Variants in PPIL2 observed in about 807,000 individuals in gnomAD.
PPIL2 encodes the protein peptidylprolyl isomerase like 2.
PPIL2 carries 50 observed loss-of-function variants against 75.2 expected under a neutral mutation model. That is an observed-to-expected ratio of 0.66 (90% CI 0.53 to 0.84). The LOEUF (loss-of-function observed/expected upper bound fraction) is 0.84, where lower values mean the gene tolerates loss of function less well. PPIL2 is among the 40% of genes least tolerant of loss of function. The probability of loss-of-function intolerance (pLI) is 0.00; values close to 1 mark genes in which losing one functional copy is unlikely to be tolerated. For synonymous variants in PPIL2, 245 were observed against 258.8 expected (o/e 0.95, Z 0.51); for missense variants, 590 against 685.0 (o/e 0.86, Z 1.55).
At chr22:21,687,550 CAA>C (rs36108489) in intron 12 of PPIL2, 91 bp from the exon 13 acceptor site, 13,841 of 299,000 alleles carry the variant, frequency 0.046, no homozygotes, top group South Asian at 0.072. Flanking sequence ...GACTCCACCT[CAA>C]AAAAAAAAAA....
At chr22:21,672,849 A>T (rs1235284087) in intron 5 of PPIL2, among the ~76,000 whole-genome samples, 1 of 152,038 alleles carries the variant, frequency 6.6e-6, no homozygotes, top group Non-Finnish European at 1.5e-5. Context: ...ACTGTGCGAG[A>T]CGGAGGGTCG....
intron 6 of PPIL2, among the ~76,000 whole-genome samples, chr22:21,675,609 C>G (rs1029052685): frequency 6.6e-6 from 1 of 152,150 alleles, no homozygotes; most frequent in African/African-American, 2.4e-5. Context: ...GGGGGCAGAA[C>G]CTGTGGTGTT....
At position 21,695,643 on chromosome 22, in the gene PPIL2, C is replaced by T; in HGVS notation, c.*153C>T. The T allele has an allele frequency of 1.4e-6, 2 of 1,458,040 alleles. No homozygotes were observed. The highest frequency in any genetic ancestry group is 2.6e-5 in the East Asian group (1 of 38,878). 90.3% of individuals were successfully genotyped at this position (1,458,040 alleles called of 1,614,324 possible). A position where few individuals can be genotyped will look rare whatever the true frequency, so the allele number is the denominator to read the frequency against. On this transcript the variant is annotated 3_prime_UTR_variant, in exon 20 of 20. Transcript: ENST00000398831. ...TCCCCTTTCCTGGCCCCTGGGAGCCCACAGCCTTCCCATCCCTTAACCTGT... is the reference window on the plus strand; with the variant it reads ...TCCCCTTTCCTGGCCCCTGGGAGCCTACAGCCTTCCCATCCCTTAACCTGT...
intron 6 of PPIL2, among the ~76,000 whole-genome samples, chr22:21,679,651 G>A (rs1167968800): frequency 1.3e-5 from 2 of 151,042 alleles, no homozygotes; most frequent in Non-Finnish European, 2.9e-5. Context: ...CGCCTAGGCT[G>A]GTCTCAAACT....
intron 7 of PPIL2, among the ~76,000 whole-genome samples, chr22:21,682,166 G>A (rs549845386): frequency 3.9e-5 from 6 of 152,344 alleles, no homozygotes; most frequent in Admixed American, 2.6e-4. Flanking sequence ...TGGGTGACTC[G>A]CTGAGTCTTT....
intron 6 of PPIL2, among the ~76,000 whole-genome samples, chr22:21,677,516 G>A (rs150891647): frequency 0.028 from 4,308 of 152,204 alleles, 88 homozygotes; most frequent in Admixed American, 0.044. Context: ...CCAACACAGC[G>A]AAACCCCGTC....
intron 6 of PPIL2, among the ~76,000 whole-genome samples, chr22:21,676,137 G>A (rs749155748): frequency 1.3e-5 from 2 of 152,124 alleles, no homozygotes; most frequent in East Asian, 1.9e-4. Flanking sequence ...TGCAGCATTC[G>A]CAGGTGAATG....
rs1405470166 is a variant in PPIL2, at chr22:21,697,822, A to T, written c.*2332A>T. On this transcript the variant is annotated 3_prime_UTR_variant, in exon 20 of 20. Transcript: ENST00000398831. Reference sequence around the variant, plus strand: ...CTGTAGTTTGTTTGTTTTAGAGCTTAATTTGTAGTTTTTTAGCTATTAAAA... The same window carrying T: ...CTGTAGTTTGTTTGTTTTAGAGCTTTATTTGTAGTTTTTTAGCTATTAAAA... 1.3e-5 allele frequency: 2 copies of T among 152,360 alleles called. No individual in the cohort carries two copies. The highest frequency in any genetic ancestry group is 2.9e-5 in the Non-Finnish European group (2 of 68,044). The allele number at this position is 152,360 out of a possible 1,614,324, so 9.4% of individuals were successfully genotyped here.
In PPIL2 at chr22:21,677,567, C is replaced by T. The variant is rs1222955038; in HGVS notation, c.295+2452C>T. Among the ~76,000 whole-genome samples, 13 of 152,322 alleles carry T rather than the reference C, an allele frequency of 8.5e-5. No homozygotes were observed. The East Asian group carries it at 1.7e-3, about 20-fold the overall frequency. ...CGAAAACCAGTCAGGCGTGGCGGCG[C>T]GCGCCTGCAATCCCAGGCACTCGGC... On this transcript the variant is annotated intron_variant, in intron 6 of 19. Coordinates refer to ENST00000398831, the MANE Select transcript of PPIL2 (RefSeq NM_014337.4).
At chr22:21,700,000 G>C (rs756656498), downstream of PPIL2, 2 of 152,312 alleles carry the variant, frequency 1.3e-5, no homozygotes, top group Non-Finnish European at 2.9e-5. Context: ...AAATAAACAT[G>C]TTCCACTAGA....
intron 6 of PPIL2, among the ~76,000 whole-genome samples, chr22:21,680,259 G>A (rs1433435633): frequency 6.6e-6 from 1 of 152,214 alleles, no homozygotes; most frequent in African/African-American, 2.4e-5. Flanking sequence ...AGGTGCAGTG[G>A]CTCATGCCTG....
chr22:21,668,175 C>CA (rs1334663897), intron 1 of PPIL2, among the ~76,000 whole-genome samples: 2 of 151,948 alleles, frequency 1.3e-5, no homozygotes, highest in Non-Finnish European at 2.9e-5. Context: ...TAAGTCCCCC[C>CA]ACTGGCTAAG....
chr22:21,666,243 A>G lies in PPIL2; in HGVS notation c.32+112A>G, dbSNP rs1481404869. 19 of 1,260,162 alleles carry G rather than the reference A, an allele frequency of 1.5e-5. No individual in the cohort carries two copies. The East Asian group carries it at 3.8e-4, about 25-fold the overall frequency. The allele number at this position is 1,260,162 out of a possible 1,614,324, so 78.1% of individuals were successfully genotyped here. ...CAGCTACTCCCCAGAGCACAGCCCA[A>G]AGGTCACTTCCTCCCGGAAGCTGCC... On this transcript the variant is annotated intron_variant, in intron 1 of 19. Coordinates refer to ENST00000398831, the MANE Select transcript of PPIL2 (RefSeq NM_014337.4).
At chr22:21,683,752 C>A (rs2067228043) in intron 9 of PPIL2, among the ~76,000 whole-genome samples, 1 of 152,214 alleles carries the variant, frequency 6.6e-6, no homozygotes. Flanking sequence ...CGTGTCTGTG[C>A]TCTCTGCACA....
At chr22:21,683,936 G>C (rs2067233311) in intron 9 of PPIL2, among the ~76,000 whole-genome samples, 1 of 152,214 alleles carries the variant, frequency 6.6e-6, no homozygotes, top group African/African-American at 2.4e-5. Flanking sequence ...AACTGGGTGT[G>C]GTGGCTTATG....
At chr22:21,669,695 T>C (rs1319390003) in intron 1 of PPIL2, among the ~76,000 whole-genome samples, 1 of 152,192 alleles carries the variant, frequency 6.6e-6, no homozygotes, top group Admixed American at 6.5e-5. Flanking sequence ...AGACGTGGTT[T>C]CACCATGTTG....
At chr22:21,694,445 C>G (rs2067824958) in intron 16 of PPIL2, 148 bp from the exon 17 acceptor site, 2 of 801,358 alleles carry the variant, frequency 2.5e-6, no homozygotes, top group Non-Finnish European at 4.0e-6. Flanking sequence ...GCCCTTGCCA[C>G]TCCCTCTCAT....
At position 21,680,425 on chromosome 22, in the gene PPIL2, G is replaced by A. The variant is rs144071851; in HGVS notation, c.296-874G>A. ...GCATGCCTGTAGTCTCAGCTACTCC[G>A]GAGGCGGAGGCAGCAGAATCGCTGG... On this transcript the variant is annotated intron_variant, in intron 6 of 19. Coordinates refer to ENST00000398831, the MANE Select transcript of PPIL2 (RefSeq NM_014337.4). Among the ~76,000 whole-genome samples the A allele has an allele frequency of 4.2e-3, 635 of 152,294 alleles. 3 individuals are homozygous for A. Among genetic ancestry groups the A allele is most frequent in the African/African-American group, 0.015 (617 of 41,558 alleles).
chr22:21,691,493 A>C (rs544713458), intron 15 of PPIL2, among the ~76,000 whole-genome samples: 1 of 152,134 alleles, frequency 6.6e-6, no homozygotes, highest in Admixed American at 6.5e-5. Context: ...ATCCTCGCTA[A>C]CACGGTGAAA....
Sources: gnomAD v4.1 joint callset for allele counts (sites outside exome capture counted in the v4.1 genomes callset) on GRCh38, gnomAD v4.1.1 for gene constraint, MANE v1.5 for transcripts, NCBI Gene and HGNC (gene_info 2026-07-23, HGNC 2026-07-21) for gene names.